CFAP100: variants seen among roughly 807,000 people sequenced by gnomAD.
CFAP100 encodes cilia and flagella associated protein 100.
CFAP100 carries 70 observed loss-of-function variants against 81.5 expected under a neutral mutation model. The observed-to-expected ratio is 0.86, with a 90% CI of 0.71 to 1.05. The LOEUF (loss-of-function observed/expected upper bound fraction) is 1.05. Among genes scored for constraint, CFAP100 ranks in the 50% least tolerant of loss-of-function variants. The pLI is 0.00. For synonymous variants in CFAP100, 341 were observed against 314.8 expected (o/e 1.08, Z -0.88); for missense variants, 811 against 776.5 (o/e 1.04, Z -0.53).
At chr3:126,427,650 G>T (rs1933015182) in intron 13 of CFAP100, among the ~76,000 whole-genome samples, 1 of 152,182 alleles carries the variant, frequency 6.6e-6, no homozygotes, top group East Asian at 1.9e-4. Flanking sequence ...CTTCCAAGGT[G>T]TCTGTACCAC....
intron 2 of CFAP100, among the ~76,000 whole-genome samples, chr3:126,396,969 A>G (rs1042263994): frequency 6.6e-6 from 1 of 152,160 alleles, no homozygotes; most frequent in Admixed American, 6.5e-5. Flanking sequence ...CACCCTGTCA[A>G]AGGCATACAG....
At chr3:126,432,600 ATGT>A (rs1312423491) in intron 13 of CFAP100, among the ~76,000 whole-genome samples, 1 of 152,046 alleles carries the variant, frequency 6.6e-6, no homozygotes, top group East Asian at 1.9e-4. Flanking sequence ...AAAAGAAAAC[ATGT>A]TGTGTGACTC....
In CFAP100 at chr3:126,416,363, C is replaced by T. The variant is rs755807505; in HGVS notation, c.273C>T (p.Tyr91=). The change falls in exon 5 of 17, where the codon TAC becomes TAT. Residue 91 remains tyrosine (Y), a synonymous_variant. Transcript: ENST00000352312. ...TGCGGGTGCACCAGAAGATGACCTACTCCTCGAAAGTGTCGGCTAAGCACA... is the reference window on the plus strand; with the variant it reads ...TGCGGGTGCACCAGAAGATGACCTATTCCTCGAAAGTGTCGGCTAAGCACA... ...KTMRVHQKMT[Y]SSKVSAKHTS... 1.9e-6 allele frequency: 3 copies of T among 1,609,912 alleles called. No individual in the cohort carries two copies. Among genetic ancestry groups the T allele is most frequent in the South Asian group, 2.2e-5 (2 of 90,696 alleles).
intron 11 of CFAP100, among the ~76,000 whole-genome samples, 191 bp downstream of exon 11, chr3:126,420,420 A>C (rs1478750711): frequency 2.0e-5 from 3 of 152,206 alleles, no homozygotes; most frequent in Admixed American, 6.5e-5. Flanking sequence ...TGTGGGCAGG[A>C]GTTTCCATTG....
intron 2 of CFAP100, among the ~76,000 whole-genome samples, chr3:126,406,367 C>T (rs1320543618): frequency 1.3e-5 from 2 of 152,228 alleles, no homozygotes; most frequent in African/African-American, 4.8e-5. Context: ...CGGGACCACA[C>T]AGTCCCTCCC....
rs1351321304 is a variant in CFAP100, at chr3:126,435,582, T to G, written c.1652T>G (p.Met551Arg). Residue 551 changes from methionine to arginine, a missense_variant, in exon 16 of 17, where the codon ATG (methionine) becomes AGG (arginine). Physicochemically the swap from Met to Arg is moderately conservative, Grantham distance 91. Coordinates refer to ENST00000352312, the MANE Select transcript of CFAP100 (RefSeq NM_182628.3). ...RIRLREEKLQ[M>R]QKILQEEHLQ... is the part of the protein sequence containing the mutation. ...AGACTTCGAGAAGAGAAGCTCCAGA[T>G]GCAAAAGATCCTACAGGAGGAGCAT... 3 of 1,611,602 alleles carry G rather than the reference T, an allele frequency of 1.9e-6. No homozygotes were observed. The highest frequency in any genetic ancestry group is 2.2e-5 in the South Asian group (2 of 90,906).
At chr3:126,395,299 A>T (rs1470323283) in intron 1 of CFAP100, 1 of 152,290 alleles carries the variant, frequency 6.6e-6, no homozygotes, top group East Asian at 1.9e-4. Flanking sequence ...GGAATGGCAC[A>T]AGCTTAGAGT....
chr3:126,414,034 A>G (rs2083195638), intron 3 of CFAP100, 51 bp from the exon 4 acceptor site: 1 of 1,373,026 alleles, frequency 7.3e-7, no homozygotes, highest in Non-Finnish European at 1.0e-6. Context: ...GACAGAGACC[A>G]CCGCCTGGAA....
chr3:126,402,043 C>T (rs1306605213), intron 2 of CFAP100, among the ~76,000 whole-genome samples: 5 of 152,186 alleles, frequency 3.3e-5, no homozygotes, highest in East Asian at 1.9e-4. Context: ...TGCTTGTTGC[C>T]GGTCCAGAAT....
At chr3:126,400,185 A>G (rs962424803) in intron 2 of CFAP100, among the ~76,000 whole-genome samples, 1 of 152,230 alleles carries the variant, frequency 6.6e-6, no homozygotes, top group Non-Finnish European at 1.5e-5. Context: ...AACAAAAAGC[A>G]AACAACCCAA....
Position 126,436,322 on chromosome 3 carries a change from C to T in CFAP100, c.1754C>T (p.Pro585Leu), listed in dbSNP as rs746641604. The change falls in exon 17 of 17, where the codon CCC (proline) becomes CTC (leucine). Residue 585 changes from proline (P) to leucine (L), a missense_variant. Physicochemically the swap from Pro to Leu is moderately conservative, Grantham distance 98. Coordinates refer to ENST00000352312, the MANE Select transcript of CFAP100 (RefSeq NM_182628.3). ...AGGACACTGGTATGCCGCTCACGAC[C>T]CCCAGCCCACAGGATCAAACAACAG... ...RGRTLVCRSR[P>L]PAHRIKQQSE... 1 of 1,614,036 alleles carries T rather than the reference C, an allele frequency of 6.2e-7. No homozygotes were observed. Among genetic ancestry groups the T allele is most frequent in the East Asian group, 2.2e-5 (1 of 44,872 alleles).
intron 3 of CFAP100, among the ~76,000 whole-genome samples, chr3:126,411,361 G>GTTTTCTTTTTTTTTTTTTTTTTTTT (rs2083150816): frequency 2.8e-5 from 1 of 35,366 alleles, no homozygotes; most frequent in Non-Finnish European, 4.6e-5. Context: ...GTTGTTGTTG[G>GTTTTCTTTTTTTTTTTTTTTTTTTT]TTTTTTTTTT....
Position 126,416,206 on chromosome 3 carries a change from C to A in CFAP100, c.226-110C>A, listed in dbSNP as rs995830276. ...AGCCCGGGACAGCAGTGTTCAGGTC[C>A]CCGCGTCCTCGCGCGCAAACCCGCG... On this transcript the variant is annotated intron_variant, in intron 4 of 16. Transcript: ENST00000352312. The A allele has an allele frequency of 8.7e-6, 8 of 923,890 alleles. No individual in the cohort carries two copies. In the Admixed American group the frequency reaches 1.4e-4, roughly 16 times the overall value. The allele number at this position is 923,890 out of a possible 1,614,324, so 57.2% of individuals were successfully genotyped here. A position where few individuals can be genotyped will look rare whatever the true frequency, so the allele number is the denominator to read the frequency against.
chr3:126,407,664 A>G (rs540690468), intron 3 of CFAP100, among the ~76,000 whole-genome samples: 205 of 152,326 alleles, frequency 1.3e-3, no homozygotes, highest in Middle Eastern at 6.8e-3. Flanking sequence ...GGAAGGGCAA[A>G]ACTACCCTTC....
intron 13 of CFAP100, among the ~76,000 whole-genome samples, chr3:126,426,218 T>A (rs1463937383): frequency 1.3e-5 from 2 of 152,164 alleles, no homozygotes; most frequent in Non-Finnish European, 2.9e-5. Flanking sequence ...ATTTCAGCAC[T>A]TTGGCAGGCC....
At chr3:126,395,842 A>T in intron 1 of CFAP100, 100 bp from the exon 2 acceptor site, 1 of 624,996 alleles carries the variant, frequency 1.6e-6, no homozygotes, top group South Asian at 1.9e-5. Context: ...TGTCCCCACA[A>T]GGTGAGCCCT....
At chr3:126,433,788 C>G (rs974023476) in intron 14 of CFAP100, 1 of 209,182 alleles carries the variant, frequency 4.8e-6, no homozygotes, top group African/African-American at 2.3e-5. Context: ...CTGCCTGCTG[C>G]TCCTCTCTCC....
At chr3:126,433,336 C>T in intron 14 of CFAP100, 132 bp downstream of exon 14, 1 of 1,114,352 alleles carries the variant, frequency 9.0e-7, no homozygotes, top group Non-Finnish European at 1.3e-6. Flanking sequence ...CTGCCCTTGC[C>T]CTGCCTCCCT....
rs754978666 is a variant in CFAP100 at position 126,414,181 on chromosome 3, T to A, written c.225+2T>A. On this transcript the variant is annotated splice_donor_variant, in intron 4 of 16. Transcript: ENST00000352312. LOFTEE classifies it high-confidence loss of function. ...CAGGAGCGGAATAAGGCTCTCTCCG[T>A]GAGTATCCAGGACAGACGCCAGCAC... The A allele has an allele frequency of 6.2e-7, 1 of 1,610,294 alleles. No homozygotes were observed. Among genetic ancestry groups the A allele is most frequent in the South Asian group, 1.1e-5 (1 of 90,978 alleles).
Sources: gnomAD v4.1 joint callset for allele counts (sites outside exome capture counted in the v4.1 genomes callset) on GRCh38, gnomAD v4.1.1 for gene constraint, MANE v1.5 for transcripts, NCBI Gene and HGNC (gene_info 2026-07-23, HGNC 2026-07-21) for gene names.